The following OCM variants were observed in gnomAD, a reference collection of about 807,000 sequenced individuals.
The protein encoded by OCM is oncomodulin-1.
OCM carries 18 observed loss-of-function variants against 14.1 expected under a neutral mutation model. The observed-to-expected ratio is 1.28, with a 90% CI of 0.88 to 1.89. OCM has a LOEUF of 1.89. OCM is among the 40% of genes most tolerant of loss of function. The probability of loss-of-function intolerance (pLI) is 0.00; values close to 1 mark genes in which losing one functional copy is unlikely to be tolerated. For synonymous variants in OCM, 48 were observed against 51.0 expected (o/e 0.94, Z 0.25); for missense variants, 140 against 137.6 (o/e 1.02, Z -0.09).
chr7:5,879,863 C>G (rs769933171), upstream of OCM: 17 of 151,784 alleles, frequency 1.1e-4, no homozygotes, highest in Non-Finnish European at 2.5e-4. Context: ...CTTTTTCTAG[C>G]CTATATAAGG....
In OCM at chr7:5,882,742, C is replaced by G. The variant is rs566490639; in HGVS notation, c.194+117C>G. ...GCCAGCCTTGGTGTTGGTCATTCGGCCAAGCATCATTAAAGCAAAGGACAT... is the reference window on the plus strand; with the variant it reads ...GCCAGCCTTGGTGTTGGTCATTCGGGCAAGCATCATTAAAGCAAAGGACAT... On this transcript the variant is annotated intron_variant, in intron 2 of 3. Coordinates refer to ENST00000242104, the MANE Select transcript of OCM (RefSeq NM_001097622.2). 2.3e-5 allele frequency: 29 copies of G among 1,244,920 alleles called. No individual in the cohort carries two copies. In the East Asian group the frequency reaches 5.7e-4, roughly 25 times the overall value. 77.1% of individuals were successfully genotyped at this position (1,244,920 alleles called of 1,614,324 possible). A position where few individuals can be genotyped will look rare whatever the true frequency, so the allele number is the denominator to read the frequency against.
At chr7:5,874,795 C>T in the OCM span, among the ~76,000 whole-genome samples, 46 of 152,126 alleles carry the variant, frequency 3.0e-4, no homozygotes, top group South Asian at 1.0e-3. Context: ...CGTGCACCGC[C>T]GCACCCAACC....
At chr7:5,867,978 TC>T in the OCM span, among the ~76,000 whole-genome samples, 1 of 152,022 alleles carries the variant, frequency 6.6e-6, no homozygotes, top group Non-Finnish European at 1.5e-5. Flanking sequence ...GCTCTAGTGA[TC>T]CACCCACCTC....
intron 3 of OCM, among the ~76,000 whole-genome samples, chr7:5,885,565 C>T (rs1286450642): frequency 6.6e-6 from 1 of 150,976 alleles, no homozygotes; most frequent in Non-Finnish European, 1.5e-5. Context: ...TGAACTTCCT[C>T]GAGATATAGT....
At chr7:5,874,223 C>CAAAAAAA in the OCM span, among the ~76,000 whole-genome samples, 5 of 31,492 alleles carry the variant, frequency 1.6e-4, no homozygotes, top group African/African-American at 2.3e-4. Flanking sequence ...GACTCTGTCT[C>CAAAAAAA]AAAAAAAAAA....
chr7:5,875,316 C>A (rs180826131), upstream of OCM, among the ~76,000 whole-genome samples: 350 of 152,130 alleles, frequency 2.3e-3, no homozygotes, highest in African/African-American at 8.0e-3. Flanking sequence ...CTCAGCCTGC[C>A]AAAGTGCTGG....
the OCM span, among the ~76,000 whole-genome samples, chr7:5,860,471 A>G: frequency 2.7e-5 from 1 of 37,174 alleles, no homozygotes; most frequent in East Asian, 8.6e-4. Flanking sequence ...TTACGTATAT[A>G]TACGTGTATA....
At chr7:5,864,032 C>G in the OCM span, among the ~76,000 whole-genome samples, 1 of 151,774 alleles carries the variant, frequency 6.6e-6, no homozygotes. Context: ...CAAGAATGAT[C>G]TGGGGAACAA....
chr7:5,880,012 A>G (rs1373479274), upstream of OCM: 2 of 152,146 alleles, frequency 1.3e-5, no homozygotes, highest in Admixed American at 6.6e-5. Flanking sequence ...CACTGCATGC[A>G]TTCATATTAG....
At chr7:5,872,082 C>T in the OCM span, 1 of 152,214 alleles carries the variant, frequency 6.6e-6, no homozygotes, top group Non-Finnish European at 1.5e-5. Context: ...TACCGGAGCC[C>T]ACAGATTACG....
the OCM span, chr7:5,871,661 C>G: frequency 5.9e-5 from 9 of 152,146 alleles, no homozygotes; most frequent in African/African-American, 2.2e-4. Context: ...ACTTAGAAAG[C>G]CTGCACACTT....
chr7:5,885,968 T>C (rs1379211585), intron 3 of OCM, 96 bp from the exon 4 acceptor site: 32 of 1,522,808 alleles, frequency 2.1e-5, no homozygotes, highest in Non-Finnish European at 2.8e-5. Context: ...CAATTTTCTT[T>C]GCTTCCTTCC....
chr7:5,870,177 G>A, the OCM span, among the ~76,000 whole-genome samples: 1 of 151,874 alleles, frequency 6.6e-6, no homozygotes, highest in African/African-American at 2.4e-5. Flanking sequence ...TATGATCATG[G>A]CTCACTGCAG....
chr7:5,867,894 C>G, the OCM span, among the ~76,000 whole-genome samples: 1 of 151,852 alleles, frequency 6.6e-6, no homozygotes, highest in Non-Finnish European at 1.5e-5. Flanking sequence ...GACCACCACA[C>G]CTGGCTACTT....
At chr7:5,879,193 C>T (rs1781158684), upstream of OCM, among the ~76,000 whole-genome samples, 1 of 152,092 alleles carries the variant, frequency 6.6e-6, no homozygotes, top group Non-Finnish European at 1.5e-5. Flanking sequence ...AGAGCAAGAC[C>T]CTGTCACAAC....
the OCM span, among the ~76,000 whole-genome samples, chr7:5,862,257 T>C: frequency 6.6e-6 from 1 of 151,918 alleles, no homozygotes; most frequent in Non-Finnish European, 1.5e-5. Context: ...GGAAACTGAG[T>C]CATGCAATAC....
At chr7:5,866,949 G>C in the OCM span, among the ~76,000 whole-genome samples, 1 of 152,110 alleles carries the variant, frequency 6.6e-6, no homozygotes, top group African/African-American at 2.4e-5. Flanking sequence ...ATTTAACGTA[G>C]TGCCTGTTTC....
At chr7:5,876,287 C>T (rs892410122), upstream of OCM, among the ~76,000 whole-genome samples, 4 of 151,842 alleles carry the variant, frequency 2.6e-5, no homozygotes, top group African/African-American at 7.3e-5. Context: ...TACAGGCGTG[C>T]GCCACTGGAC....
intron 3 of OCM, among the ~76,000 whole-genome samples, chr7:5,885,455 C>T (rs1351247248): frequency 6.6e-6 from 1 of 152,148 alleles, no homozygotes; most frequent in South Asian, 2.1e-4. Context: ...CATGCATTAT[C>T]AGGGAGAAAT....
Sources: allele counts gnomAD v4.1 joint callset (sites outside exome capture counted in the v4.1 genomes callset), GRCh38; gene constraint gnomAD v4.1.1; transcripts MANE v1.5; gene names NCBI Gene and HGNC (gene_info 2026-07-23, HGNC 2026-07-21).